ASH1L: variants seen among roughly 807,000 people sequenced by gnomAD.
ASH1L encodes the protein histone-lysine N-methyltransferase ASH1L.
In ASH1L, 23 loss-of-function variants were observed where a neutral mutation model predicts 269.0. That is an observed-to-expected ratio of 0.09 (90% CI 0.06 to 0.12). The LOEUF (loss-of-function observed/expected upper bound fraction) is 0.12. Ranked by LOEUF, ASH1L falls within the 10% of genes least tolerant of loss-of-function variation. The pLI is 1.00. For synonymous variants in ASH1L, 1,187 were observed against 1,253.5 expected (o/e 0.95, Z 1.12); for missense variants, 2,912 against 3,567.8 (o/e 0.82, Z 4.68).
intron 7 of ASH1L, among the ~76,000 whole-genome samples, chr1:155,385,916 G>A (rs1657389396): frequency 6.6e-6 from 1 of 152,106 alleles, no homozygotes; most frequent in South Asian, 2.1e-4. Flanking sequence ...GGTCTCCACT[G>A]ACATTGTGGT....
chr1:155,370,358 G>A (rs763617578), intron 12 of ASH1L, 146 bp downstream of exon 12: 80 of 955,780 alleles, frequency 8.4e-5, no homozygotes, highest in Non-Finnish European at 1.2e-4. Flanking sequence ...AAACGAAGCA[G>A]CTTACTCTGC....
chr1:155,397,901 T>A (rs1018038537), intron 6 of ASH1L, among the ~76,000 whole-genome samples: 1 of 152,170 alleles, frequency 6.6e-6, no homozygotes. Context: ...ATAAACATCA[T>A]GTGCTTTAGG....
chr1:155,455,144 T>C (rs959029528), intron 4 of ASH1L, among the ~76,000 whole-genome samples: 2 of 152,184 alleles, frequency 1.3e-5, no homozygotes, highest in African/African-American at 4.8e-5. Flanking sequence ...GAGACATAAA[T>C]ATCTTAAAAG....
chr1:155,470,771 C>T (rs1442615817), intron 3 of ASH1L, among the ~76,000 whole-genome samples: 2 of 151,876 alleles, frequency 1.3e-5, no homozygotes, highest in Non-Finnish European at 1.5e-5. Flanking sequence ...AGGCTGATCT[C>T]GAACTCCTAA....
intron 2 of ASH1L, among the ~76,000 whole-genome samples, chr1:155,517,800 T>TC (rs1255195753): frequency 1.7e-5 from 2 of 120,716 alleles, no homozygotes; most frequent in African/African-American, 6.2e-5. Context: ...TTTCTTTTTT[T>TC]TTTTTTTTTT....
At chr1:155,502,608 A>T (rs1301818827) in intron 2 of ASH1L, among the ~76,000 whole-genome samples, 1 of 152,172 alleles carries the variant, frequency 6.6e-6, no homozygotes, top group Non-Finnish European at 1.5e-5. Context: ...ATCAATTAAT[A>T]ATTATTATAC....
chr1:155,535,427 A>T (rs1362725222), intron 1 of ASH1L, among the ~76,000 whole-genome samples: 1 of 152,016 alleles, frequency 6.6e-6, no homozygotes, highest in Non-Finnish European at 1.5e-5. Flanking sequence ...TGTGATCTTT[A>T]TTAAACATGG....
chr1:155,439,838 T>C (rs1290142993), intron 4 of ASH1L, among the ~76,000 whole-genome samples: 3 of 151,886 alleles, frequency 2.0e-5, no homozygotes, highest in Non-Finnish European at 2.9e-5. Flanking sequence ...CTATACTAGA[T>C]ATTCCTTTAT....
At chr1:155,498,979 T>C (rs907643490) in intron 2 of ASH1L, among the ~76,000 whole-genome samples, 17 of 147,424 alleles carry the variant, frequency 1.2e-4, no homozygotes, top group African/African-American at 2.3e-4. Context: ...AGGTCAAGAA[T>C]GCATTTTAAT....
chr1:155,467,834 T>C (rs1305859269), intron 3 of ASH1L, among the ~76,000 whole-genome samples: 1 of 152,208 alleles, frequency 6.6e-6, no homozygotes, highest in Non-Finnish European at 1.5e-5. Context: ...CTTAACAATT[T>C]GTATTCTGCT....
intron 12 of ASH1L, among the ~76,000 whole-genome samples, chr1:155,364,037 T>C (rs886381121): frequency 1.3e-5 from 2 of 152,018 alleles, no homozygotes; most frequent in African/African-American, 4.8e-5. Context: ...CTCATACCTG[T>C]AATCCCAGCA....
At chr1:155,431,662 G>A (rs866453302) in intron 5 of ASH1L, among the ~76,000 whole-genome samples, 3 of 152,108 alleles carry the variant, frequency 2.0e-5, no homozygotes, top group Non-Finnish European at 2.9e-5. Context: ...TGTGGGGGAG[G>A]GATGGGGGTG....
In ASH1L at chr1:155,343,686, G is replaced by T. The variant is rs1432980905; in HGVS notation, c.8038C>A (p.Arg2680Ser). The T allele has an allele frequency of 1.2e-6, 2 of 1,614,134 alleles. No individual in the cohort carries two copies. The highest frequency in any genetic ancestry group is 1.7e-6 in the Non-Finnish European group (2 of 1,180,012). Residue 2680 changes from arginine (R) to serine (S), a missense_variant, in exon 23 of 28, where the codon CGT becomes AGT. Arg to Ser is a moderately radical substitution (Grantham distance 110, BLOSUM62 -1). Coordinates refer to ENST00000392403, the MANE Select transcript of ASH1L (RefSeq NM_018489.3). This position sits in a 1 kb window ranked among gnomAD's most constrained non-coding sequence, Gnocchi z 6.1. The stretch of plus-strand genomic sequence containing the variant: ...TGAGATAACAGTCGATAGGACTGAC[G>T]GACCGGGTGGCCATCAGGGGTGCGC... ...SRRTPDGHPV[R>S]QSYRLLSHIN...
chr1:155,417,551 T>C (rs1170059104), intron 5 of ASH1L, among the ~76,000 whole-genome samples: 1 of 152,192 alleles, frequency 6.6e-6, no homozygotes, highest in Non-Finnish European at 1.5e-5. Flanking sequence ...TGGCAGATAC[T>C]CATTCCATTA....
Position 155,438,434 on chromosome 1 carries a change from G to T in ASH1L, c.5721C>A (p.Asn1907Lys), listed in dbSNP as rs1294419836. Reference protein sequence around the residue: ...IEAVVQSVNLNPEHKKGLKRK... With the variant: ...IEAVVQSVNLKPEHKKGLKRK... Reference sequence around the variant, plus strand: ...TCTTCAACCCCTTTTTATGTTCTGGGTTCAGATTTACACTCTGAACAACAG... The same window carrying T: ...TCTTCAACCCCTTTTTATGTTCTGGTTTCAGATTTACACTCTGAACAACAG... Residue 1907 changes from asparagine to lysine, a missense_variant, in exon 5 of 28, where the codon AAC becomes AAA. By Grantham distance (94) the Asn-to-Lys change is moderately conservative. Coordinates refer to ENST00000392403, the MANE Select transcript of ASH1L (RefSeq NM_018489.3). 1 of 1,613,446 alleles carries T rather than the reference G, an allele frequency of 6.2e-7. No individual in the cohort carries two copies. Among genetic ancestry groups the T allele is most frequent in the Non-Finnish European group, 8.5e-7 (1 of 1,179,874 alleles).
chr1:155,549,745 C>G (rs1213038261), intron 1 of ASH1L, among the ~76,000 whole-genome samples: 1 of 151,992 alleles, frequency 6.6e-6, no homozygotes, highest in African/African-American at 2.4e-5. Flanking sequence ...TCGGGGGAAC[C>G]AATCTCTCAC....
rs1279402180 is a variant in ASH1L at position 155,521,074 on chromosome 1, C to T, written c.420+26G>A. The T allele has an allele frequency of 1.9e-6, 3 of 1,557,146 alleles. No individual in the cohort carries two copies. In the African/African-American group the frequency reaches 4.2e-5, roughly 22 times the overall value. ...GGGAAATGAAAATATTGTCAATAAC[C>T]ACATATTGTTAGGAATTCTACTTAC... is the stretch of plus-strand genomic sequence containing the variant. On this transcript the variant is annotated intron_variant, in intron 2 of 27. Transcript: ENST00000392403.
At chr1:155,553,321 A>G (rs1450675256) in intron 1 of ASH1L, among the ~76,000 whole-genome samples, 1 of 152,224 alleles carries the variant, frequency 6.6e-6, no homozygotes, top group African/African-American at 2.4e-5. Flanking sequence ...AATATAACCA[A>G]ATATTTTATT....
rs754567117 is a variant in ASH1L at position 155,338,150 on chromosome 1, G to A, written c.8742C>T (p.Asn2914=). 1 of 1,614,032 alleles carries A rather than the reference G, an allele frequency of 6.2e-7. No homozygotes were observed. Among genetic ancestry groups the A allele is most frequent in the Non-Finnish European group, 8.5e-7 (1 of 1,179,996 alleles). ...STCTPEERRH[N]QRERLNQILL... ...AGATCTGGTTGAGTCGTTCCCGTTG[G>A]TTATGCCGTCGTTCCTCAGGGGTAC... Residue 2914 remains asparagine (N), a synonymous_variant, in exon 27 of 28, where the codon AAC becomes AAT. Transcript: ENST00000392403.
Sources: allele counts gnomAD v4.1 joint callset (sites outside exome capture counted in the v4.1 genomes callset), GRCh38; gene constraint gnomAD v4.1.1; non-coding constraint Gnocchi (gnomAD v3.1); transcripts MANE v1.5; gene names NCBI Gene and HGNC (gene_info 2026-07-23, HGNC 2026-07-21).